The following OR2AP1 variants were observed in gnomAD, a reference collection of about 807,000 sequenced individuals.
The protein encoded by OR2AP1 is olfactory receptor 2AP1.
A neutral mutation model predicts 13.9 loss-of-function variants in OR2AP1; 20 were observed. The observed-to-expected ratio is 1.44, with a 90% confidence interval of 1.01 to 2.09. The LOEUF is 2.09. OR2AP1 is among the 30% of genes most tolerant of loss of function. The pLI is 0.00. For synonymous variants in OR2AP1, 174 were observed against 137.0 expected (o/e 1.27, Z -1.89); for missense variants, 490 against 360.6 (o/e 1.36, Z -2.91).
chr12:55,575,192 C>T lies in OR2AP1; in HGVS notation c.778C>T (p.Pro260Ser), dbSNP rs1380580698. 1 of 1,597,590 alleles carries T rather than the reference C, an allele frequency of 6.3e-7. No homozygotes were observed. The highest frequency in any genetic ancestry group is 8.5e-7 in the Non-Finnish European group (1 of 1,176,834). The change falls in exon 2 of 2, where the codon CCC becomes TCC. Residue 260 changes from proline (P) to serine (S), a missense_variant. Pro to Ser is a moderately conservative substitution (Grantham distance 74). Transcript: ENST00000641114. ...YGSCMFMYIN[P>S]SAKEGDTFNK... ...AAGCTGCATGTTTATGTACATTAAT[C>T]CCTCTGCAAAAGAAGGGGATACATT...
chr12:55,574,917 C>A lies in OR2AP1; in HGVS notation c.503C>A (p.Ala168Glu). 1 of 1,539,796 alleles carries A rather than the reference C, an allele frequency of 6.5e-7. No homozygotes were observed. The highest frequency in any genetic ancestry group is 1.2e-5 in the South Asian group (1 of 84,186). Residue 168 changes from alanine (A) to glutamate (E), a missense_variant, in exon 2 of 2, where the codon GCA becomes GAA. Coordinates refer to ENST00000641114, the MANE Select transcript of OR2AP1 (RefSeq NM_001258285.2). ...CTGATGAGTCAGCAGGACTTTTGTG[C>A]ATCCAACAGACTGAATCATTACTTC... ...ITLMSQQDFC[A>E]SNRLNHYFCD... is the part of the protein sequence containing the mutation.
chr12:55,573,851 A>G (rs569861463), intron 1 of OR2AP1, among the ~76,000 whole-genome samples: 11 of 152,314 alleles, frequency 7.2e-5, no homozygotes, highest in Non-Finnish European at 1.5e-4. Flanking sequence ...TGGAGGGTCC[A>G]CTGGAAAGAA....
rs1161291342 is a variant in OR2AP1, at chr12:55,574,863, G to C, written c.449G>C (p.Gly150Ala). Reference sequence around the variant, plus strand: ...CTGATTTTCTGCTCTTGGCTGGGTGGGCTAATGGCTATTATACCAACAATC... The same window carrying C: ...CTGATTTTCTGCTCTTGGCTGGGTGCGCTAATGGCTATTATACCAACAATC... ...IQLIFCSWLGGLMAIIPTITL... is the reference protein window; with the variant it reads ...IQLIFCSWLGALMAIIPTITL... Residue 150 changes from glycine to alanine, a missense_variant, in exon 2 of 2, where the codon GGG (glycine) becomes GCG (alanine). Coordinates refer to ENST00000641114, the MANE Select transcript of OR2AP1 (RefSeq NM_001258285.2). The C allele has an allele frequency of 6.4e-6, 10 of 1,560,782 alleles. No homozygotes were observed. The highest frequency in any genetic ancestry group is 8.7e-6 in the Non-Finnish European group (10 of 1,154,386).
rs1874501816 is a variant in OR2AP1 at position 55,574,492 on chromosome 12, C to T, written c.78C>T (p.Phe26=). The T allele has an allele frequency of 2.6e-6, 4 of 1,536,540 alleles. No individual in the cohort carries two copies. Among genetic ancestry groups the T allele is most frequent in the Non-Finnish European group, 3.5e-6 (4 of 1,146,520 alleles). Residue 26 remains phenylalanine (F), a synonymous_variant, in exon 2 of 2, where the codon TTC becomes TTT. Transcript: ENST00000641114. ...TCCCTGAACTCCAGGTGGCAGTTTTCACCTTTCTTTTCCTTGCGTATTTAC... is the reference window on the plus strand; with the variant it reads ...TCCCTGAACTCCAGGTGGCAGTTTTTACCTTTCTTTTCCTTGCGTATTTAC... ...TDVPELQVAV[F]TFLFLAYLLS...
Position 55,575,026 on chromosome 12 carries a change from C to A in OR2AP1, c.612C>A (p.Thr204=). The A allele has an allele frequency of 6.5e-7, 1 of 1,538,336 alleles. No homozygotes were observed. Among genetic ancestry groups the A allele is most frequent in the Non-Finnish European group, 8.7e-7 (1 of 1,147,294 alleles). Residue 204 remains threonine, a synonymous_variant, in exon 2 of 2, where the codon ACC becomes ACA. Coordinates refer to ENST00000641114, the MANE Select transcript of OR2AP1 (RefSeq NM_001258285.2). Reference sequence around the variant, plus strand: ...TTGTCTTTCTTGTGGCATCTGTGACCCTGGTGGTCACTCTGGTGCTAGTGA... The same window carrying A: ...TTGTCTTTCTTGTGGCATCTGTGACACTGGTGGTCACTCTGGTGCTAGTGA... ...EKVVFLVASV[T]LVVTLVLVIL...
rs1200096038 is a variant in OR2AP1 at position 55,574,617 on chromosome 12, A to G, written c.203A>G (p.Glu68Gly). The G allele has an allele frequency of 1.8e-5, 28 of 1,541,720 alleles. No individual in the cohort carries two copies. Among genetic ancestry groups the G allele is most frequent in the Non-Finnish European group, 2.4e-5 (28 of 1,148,386 alleles). ...TTTCTCCGGAACTTCTCCTTCTTGG[A>G]AATTTCCTTCACAAACATCTTCATT... ...YFFLRNFSFL[E>G]ISFTNIFIPR... Residue 68 changes from glutamate (E) to glycine (G), a missense_variant, in exon 2 of 2, where the codon GAA becomes GGA. Glu to Gly is a moderately conservative substitution (Grantham distance 98). Transcript: ENST00000641114.
Position 55,574,516 on chromosome 12 carries a change from A to T in OR2AP1, c.102A>T (p.Leu34Phe). Residue 34 changes from leucine to phenylalanine, a missense_variant, in exon 2 of 2, where the codon TTA becomes TTT. Transcript: ENST00000641114. ...TCACCTTTCTTTTCCTTGCGTATTT[A>T]CTCAGCATCCTTGGAAATCTGACTA... ...AVFTFLFLAY[L>F]LSILGNLTIL... 10 of 1,537,406 alleles carry T rather than the reference A, an allele frequency of 6.5e-6. No homozygotes were observed. The highest frequency in any genetic ancestry group is 8.7e-6 in the Non-Finnish European group (10 of 1,146,908).
Position 55,574,360 on chromosome 12 carries a change from C to CTCACTTTTGATTACTACTCTCTTTT in OR2AP1, c.-47_-23dup, listed in dbSNP as rs1874493968. ...TTCATTTCAGAGCACCTCTTCCTTT[C>CTCACTTTTGATTACTACTCTCTTTT]TCACTTTTGATTACTACTCTCTTTT... On this transcript the variant is annotated 5_prime_UTR_variant, in exon 2 of 2. An upstream open reading frame in the 5' UTR gains an earlier in-frame stop. Coordinates refer to ENST00000641114, the MANE Select transcript of OR2AP1 (RefSeq NM_001258285.2). 9 of 903,914 alleles carry CTCACTTTTGATTACTACTCTCTTTT rather than the reference C, an allele frequency of 1.0e-5. No homozygotes were observed. The South Asian group carries it at 1.6e-4, about 16-fold the overall frequency. The allele number at this position is 903,914 out of a possible 1,614,324, so 56.0% of individuals were successfully genotyped here.
chr12:55,574,882 A>T lies in OR2AP1; in HGVS notation c.468A>T (p.Pro156=), dbSNP rs1350898018. The T allele has an allele frequency of 3.2e-6, 5 of 1,550,584 alleles. No individual in the cohort carries two copies. The highest frequency in any genetic ancestry group is 1.9e-5 in the Admixed American group (1 of 51,838). The change falls in exon 2 of 2, where the codon CCA becomes CCT. Residue 156 remains proline, a synonymous_variant. Coordinates refer to ENST00000641114, the MANE Select transcript of OR2AP1 (RefSeq NM_001258285.2). ...TGGGTGGGCTAATGGCTATTATACC[A>T]ACAATCACCCTGATGAGTCAGCAGG... is the stretch of plus-strand genomic sequence containing the variant. ...SWLGGLMAII[P]TITLMSQQDF...
At chr12:55,573,223 G>A (rs564852712) in intron 1 of OR2AP1, among the ~76,000 whole-genome samples, 20 of 151,858 alleles carry the variant, frequency 1.3e-4, no homozygotes, top group South Asian at 4.2e-4. Flanking sequence ...GGTAAGGAAC[G>A]CTCTATAAAA....
At position 55,574,603 on chromosome 12, in the gene OR2AP1, C is replaced by T. The variant is rs768574222; in HGVS notation, c.189C>T (p.Asn63=). The T allele has an allele frequency of 3.2e-6, 5 of 1,540,816 alleles. No individual in the cohort carries two copies. In the African/African-American group the frequency reaches 5.5e-5, roughly 17 times the overall value. The change falls in exon 2 of 2, where the codon AAC becomes AAT. Residue 63 remains asparagine (N), a synonymous_variant. Transcript: ENST00000641114. Reference sequence around the variant, plus strand: ...CTCCCATGTATTTCTTTCTCCGGAACTTCTCCTTCTTGGAAATTTCCTTCA... The same window carrying T: ...CTCCCATGTATTTCTTTCTCCGGAATTTCTCCTTCTTGGAAATTTCCTTCA... ...LQTPMYFFLR[N]FSFLEISFTN...
chr12:55,574,884 C>T lies in OR2AP1; in HGVS notation c.470C>T (p.Thr157Ile), dbSNP rs758160126. Residue 157 changes from threonine to isoleucine, a missense_variant, in exon 2 of 2, where the codon ACA (threonine) becomes ATA (isoleucine). Thr to Ile is a moderately conservative substitution (Grantham distance 89, BLOSUM62 -1). Transcript: ENST00000641114. Reference sequence around the variant, plus strand: ...GGTGGGCTAATGGCTATTATACCAACAATCACCCTGATGAGTCAGCAGGAC... The same window carrying T: ...GGTGGGCTAATGGCTATTATACCAATAATCACCCTGATGAGTCAGCAGGAC... ...WLGGLMAIIP[T>I]ITLMSQQDFC... 6.5e-7 allele frequency: 1 copy of T among 1,549,350 alleles called. No individual in the cohort carries two copies. Among genetic ancestry groups the T allele is most frequent in the Non-Finnish European group, 8.7e-7 (1 of 1,150,226 alleles).
At position 55,575,239 on chromosome 12, in the gene OR2AP1, C is replaced by T. The variant is rs757832091; in HGVS notation, c.825C>T (p.Leu275=). The part of the protein sequence containing the change: ...GDTFNKGVAL[L]ITSVAPLLNP... ...CATTCAACAAGGGAGTAGCTCTACT[C>T]ATTACTTCAGTTGCTCCTTTGTTGA... The change falls in exon 2 of 2, where the codon CTC becomes CTT. Residue 275 remains leucine (L), a synonymous_variant. Transcript: ENST00000641114. The T allele has an allele frequency of 4.1e-5, 65 of 1,567,064 alleles. No individual in the cohort carries two copies. The highest frequency in any genetic ancestry group is 4.5e-5 in the Non-Finnish European group (52 of 1,161,410).
chr12:55,574,279 T>C lies in OR2AP1; in HGVS notation c.-136T>C, dbSNP rs1592345805. On this transcript the variant is annotated 5_prime_UTR_variant, in exon 2 of 2. Transcript: ENST00000641114. ...AAATGGGCCACTGGTCTGGACTATG[T>C]CATCAGAGGAGAAGTTAATCATCCA... 1 of 613,226 alleles carries C rather than the reference T, an allele frequency of 1.6e-6. No homozygotes were observed. The allele number at this position is 613,226 out of a possible 1,614,324, so 38.0% of individuals were successfully genotyped here.
At chr12:55,573,377 T>C (rs1188817546) in intron 1 of OR2AP1, among the ~76,000 whole-genome samples, 2 of 152,080 alleles carry the variant, frequency 1.3e-5, no homozygotes, top group African/African-American at 4.8e-5. Context: ...ATAAGGGCAC[T>C]CCCAGATAAT....
chr12:55,575,246 T>A lies in OR2AP1; in HGVS notation c.832T>A (p.Ser278Thr). 1 of 1,562,558 alleles carries A rather than the reference T, an allele frequency of 6.4e-7. No individual in the cohort carries two copies. The highest frequency in any genetic ancestry group is 8.6e-7 in the Non-Finnish European group (1 of 1,159,268). ...FNKGVALLIT[S>T]VAPLLNPFIY... The stretch of plus-strand genomic sequence containing the variant: ...CAAGGGAGTAGCTCTACTCATTACT[T>A]CAGTTGCTCCTTTGTTGAACCCCTT... The change falls in exon 2 of 2, where the codon TCA (serine) becomes ACA (threonine). Residue 278 changes from serine to threonine, a missense_variant. Coordinates refer to ENST00000641114, the MANE Select transcript of OR2AP1 (RefSeq NM_001258285.2).
Position 55,574,963 on chromosome 12 carries a change from G to A in OR2AP1, c.549G>A (p.Leu183=), listed in dbSNP as rs780101682. The A allele has an allele frequency of 3.9e-6, 6 of 1,537,384 alleles. No individual in the cohort carries two copies. The highest frequency in any genetic ancestry group is 1.4e-5 in the African/African-American group (1 of 72,988). ...ACTTCTGTGACTATGAGCCTCTTCT[G>A]GAACTCTCATGTTCAGACACAAGCC... The part of the protein sequence containing the change: ...NHYFCDYEPL[L]ELSCSDTSLI... The change falls in exon 2 of 2, where the codon CTG becomes CTA. Residue 183 remains leucine, a synonymous_variant. Transcript: ENST00000641114.
chr12:55,574,051 G>A (rs1014565261), intron 1 of OR2AP1, among the ~76,000 whole-genome samples, 169 bp from the exon 2 acceptor site: 1 of 152,122 alleles, frequency 6.6e-6, no homozygotes, highest in Non-Finnish European at 1.5e-5. Context: ...GTTAATGTTG[G>A]GGGGAAGAAA....
chr12:55,574,863 G>A lies in OR2AP1; in HGVS notation c.449G>A (p.Gly150Glu). ...IQLIFCSWLG[G>E]LMAIIPTITL... ...CTGATTTTCTGCTCTTGGCTGGGTG[G>A]GCTAATGGCTATTATACCAACAATC... The change falls in exon 2 of 2, where the codon GGG becomes GAG. Residue 150 changes from glycine to glutamate, a missense_variant. Physicochemically the swap from Gly to Glu is moderately conservative, Grantham distance 98 (BLOSUM62 -2). Transcript: ENST00000641114. 1.3e-6 allele frequency: 2 copies of A among 1,560,782 alleles called. No homozygotes were observed. The highest frequency in any genetic ancestry group is 1.7e-6 in the Non-Finnish European group (2 of 1,154,386).
Sources: allele counts gnomAD v4.1 joint callset (sites outside exome capture counted in the v4.1 genomes callset), GRCh38; gene constraint gnomAD v4.1.1; transcripts MANE v1.5; gene names NCBI Gene and HGNC (gene_info 2026-07-23, HGNC 2026-07-21).